The following UTRN variants were observed in gnomAD, a reference collection of about 807,000 sequenced individuals.
UTRN encodes dystrophin-related protein 1.
A neutral mutation model predicts 463.9 loss-of-function variants in UTRN; 283 were observed. That is an observed-to-expected ratio of 0.61 (90% CI 0.55 to 0.67). The LOEUF is 0.67. Among genes scored for constraint, UTRN ranks in the 30% least tolerant of loss-of-function variants. The pLI, the probability that UTRN is intolerant of heterozygous loss-of-function variation, is 0.00. For missense variants in UTRN, 3,922 were observed against 4,084.3 expected (o/e 0.96, Z 1.08); for synonymous variants, 1,442 against 1,431.5 (o/e 1.01, Z -0.17).
chr6:144,819,487 G>A (rs565367968), intron 65 of UTRN, among the ~76,000 whole-genome samples: 45 of 152,144 alleles, frequency 3.0e-4, no homozygotes, highest in South Asian at 8.3e-4. Context: ...TTGAGGTCAG[G>A]AGTTTGAGAC....
intron 2 of UTRN, among the ~76,000 whole-genome samples, chr6:144,392,599 C>T (rs1164702190): frequency 2.6e-5 from 4 of 152,090 alleles, no homozygotes; most frequent in Admixed American, 2.6e-4. Flanking sequence ...TAACTGATGC[C>T]TTTGTAGTGG....
intron 59 of UTRN, among the ~76,000 whole-genome samples, chr6:144,773,335 A>G (rs1230639670): frequency 2.0e-5 from 3 of 152,080 alleles, no homozygotes; most frequent in Non-Finnish European, 4.4e-5. Flanking sequence ...ATGCCCCTGG[A>G]GGAAAATCTC....
At chr6:144,796,432 CT>C (rs1425451043) in intron 63 of UTRN, among the ~76,000 whole-genome samples, 1 of 152,104 alleles carries the variant, frequency 6.6e-6, no homozygotes, top group East Asian at 1.9e-4. Context: ...ATCATAACTA[CT>C]TTAATAAATA....
intron 41 of UTRN, among the ~76,000 whole-genome samples, chr6:144,527,452 G>A (rs545805983): frequency 4.6e-5 from 7 of 152,228 alleles, no homozygotes; most frequent in Non-Finnish European, 8.8e-5. Flanking sequence ...TTGACTTTAC[G>A]TAACCTGATG....
intron 68 of UTRN, 118 bp from the exon 69 acceptor site, chr6:144,828,672 T>A (rs1780402352): frequency 9.9e-7 from 1 of 1,011,122 alleles, no homozygotes; most frequent in Non-Finnish European, 1.5e-6. Context: ...GTTAGGAGAT[T>A]TGGATCTTTC....
At chr6:144,321,851 C>T (rs1425717676) in intron 2 of UTRN, among the ~76,000 whole-genome samples, 2 of 151,732 alleles carry the variant, frequency 1.3e-5, no homozygotes, top group African/African-American at 2.4e-5. Context: ...TTGCAACCTC[C>T]GCCTCGGGTT....
At chr6:144,812,281 G>T (rs1444242626) in intron 65 of UTRN, among the ~76,000 whole-genome samples, 1 of 152,038 alleles carries the variant, frequency 6.6e-6, no homozygotes, top group Admixed American at 6.6e-5. Context: ...GCCGGTCTTT[G>T]GGGATAATAA....
Position 144,300,235 on chromosome 6 carries a change from G to A in UTRN, c.79+8328G>A, listed in dbSNP as rs377121022. ...TTCATGAGTAGCTGGGACTACAGGT[G>A]TGTGCCACCATGCCTGGCTAATTTT... is the stretch of plus-strand genomic sequence containing the variant. On this transcript the variant is annotated intron_variant, in intron 2 of 74. Coordinates refer to ENST00000367545, the MANE Select transcript of UTRN (RefSeq NM_007124.3). Among the ~76,000 whole-genome samples the A allele has an allele frequency of 1.3e-4, 20 of 152,202 alleles. No homozygotes were observed. The South Asian group carries it at 3.9e-3, about 30-fold the overall frequency.
chr6:144,529,262 G>A (rs1367320397), intron 41 of UTRN, among the ~76,000 whole-genome samples: 1 of 152,230 alleles, frequency 6.6e-6, no homozygotes, highest in African/African-American at 2.4e-5. Flanking sequence ...AAGTCTCCCA[G>A]CTGAGAACGC....
rs184358359 is a variant in UTRN, at chr6:144,746,958, A to T, written c.7940-1288A>T. 4.6e-5 allele frequency among the ~76,000 whole-genome samples: 7 copies of T among 152,264 alleles called. No individual in the cohort carries two copies. In the East Asian group the frequency reaches 5.8e-4, roughly 13 times the overall value. On this transcript the variant is annotated intron_variant, in intron 54 of 74. Transcript: ENST00000367545. ...CGGTTGCTAAATATCAATGTCTAGA[A>T]TTTTTTTGAAATTTAGAGAGACAAA...
chr6:144,474,525 G>A (rs1482234184), intron 24 of UTRN, 79 bp from the exon 25 acceptor site: 3 of 1,390,372 alleles, frequency 2.2e-6, no homozygotes, highest in Non-Finnish European at 2.9e-6. Flanking sequence ...AATATTTGCA[G>A]GGAGATAAGC....
intron 51 of UTRN, among the ~76,000 whole-genome samples, chr6:144,612,273 A>G (rs1805605194): frequency 1.3e-5 from 2 of 152,168 alleles, no homozygotes; most frequent in Non-Finnish European, 2.9e-5. Context: ...TAAAATTCCT[A>G]GAAGAAAACA....
chr6:144,384,271 G>C (rs536224262), intron 2 of UTRN, among the ~76,000 whole-genome samples: 180 of 152,220 alleles, frequency 1.2e-3, no homozygotes, highest in Non-Finnish European at 1.9e-3. Context: ...CACACAGCAG[G>C]GGGTGAGCGG....
intron 46 of UTRN, among the ~76,000 whole-genome samples, chr6:144,548,276 C>T (rs1183788007): frequency 2.6e-5 from 4 of 152,004 alleles, no homozygotes; most frequent in African/African-American, 9.7e-5. Flanking sequence ...AATATGCTCA[C>T]ATTATAAAGT....
intron 3 of UTRN, among the ~76,000 whole-genome samples, chr6:144,414,684 T>C (rs1053046428): frequency 2.6e-5 from 4 of 151,834 alleles, no homozygotes; most frequent in African/African-American, 9.7e-5. Context: ...GCACCATTCA[T>C]GTTAAGTGTC....
intron 3 of UTRN, among the ~76,000 whole-genome samples, chr6:144,412,882 T>C (rs898799902): frequency 2.0e-5 from 3 of 152,106 alleles, no homozygotes; most frequent in Non-Finnish European, 4.4e-5. Flanking sequence ...ATAATCAGTG[T>C]CGAAGGGCTC....
chr6:144,675,277 G>T (rs1252511680), intron 51 of UTRN, among the ~76,000 whole-genome samples: 5 of 152,124 alleles, frequency 3.3e-5, no homozygotes, highest in Non-Finnish European at 7.4e-5. Flanking sequence ...TGATCCTAGG[G>T]AATGTCTGCA....
intron 2 of UTRN, among the ~76,000 whole-genome samples, chr6:144,376,535 A>G (rs899431087): frequency 1.3e-5 from 2 of 151,968 alleles, no homozygotes; most frequent in Non-Finnish European, 2.9e-5. Context: ...GACTCAAGCA[A>G]TCCGCCCTCC....
rs1259269378 is a variant in UTRN at position 144,589,815 on chromosome 6, A to G, written c.7479+12527A>G. On this transcript the variant is annotated intron_variant, in intron 51 of 74. Transcript: ENST00000367545. ...AACCATTTCATTTTGGACATAAGGA[A>G]ACAGAGATAGTCTATAATGGATGTT... 5.9e-5 allele frequency among the ~76,000 whole-genome samples: 9 copies of G among 152,224 alleles called. No individual in the cohort carries two copies. The East Asian group carries it at 9.6e-4, about 16-fold the overall frequency.
Sources: gnomAD v4.1 joint callset for allele counts (sites outside exome capture counted in the v4.1 genomes callset) on GRCh38, gnomAD v4.1.1 for gene constraint, MANE v1.5 for transcripts, NCBI Gene and HGNC (gene_info 2026-07-23, HGNC 2026-07-21) for gene names.